The following ERC2 variants were observed in gnomAD, a reference collection of about 807,000 sequenced individuals.
ERC2 encodes the protein ELKS/RAB6-interacting/CAST family member 2.
A neutral mutation model predicts 114.8 loss-of-function variants in ERC2; 42 were observed. The ratio of observed to expected loss-of-function variants is 0.37; its 90% CI spans 0.29 to 0.47. The LOEUF is 0.47. Among genes scored for constraint, ERC2 ranks in the 20% least tolerant of loss-of-function variants. The pLI, the probability that ERC2 is intolerant of heterozygous loss-of-function variation, is 0.99. For synonymous variants in ERC2, 454 were observed against 425.5 expected, an observed-to-expected ratio of 1.07 and a Z score of -0.82; for missense variants, 939 against 1,150.7, an observed-to-expected ratio of 0.82 and a Z score of 2.66.
chr3:55,952,224 C>T (rs916063458), intron 12 of ERC2, among the ~76,000 whole-genome samples: 6 of 134,502 alleles, frequency 4.5e-5, no homozygotes, highest in Non-Finnish European at 9.6e-5. Context: ...ATATTCTGAA[C>T]ACTTTGTCTT....
intron 3 of ERC2, among the ~76,000 whole-genome samples, chr3:56,183,990 T>A (rs2083441416): frequency 6.6e-6 from 1 of 151,986 alleles, no homozygotes; most frequent in Non-Finnish European, 1.5e-5. Flanking sequence ...ATAAATACAG[T>A]AGGAAGTTAT....
intron 3 of ERC2, among the ~76,000 whole-genome samples, chr3:56,210,756 C>T (rs17056646): frequency 0.08 from 12,217 of 152,158 alleles, 657 homozygotes; most frequent in Admixed American, 0.15. Context: ...CTTTAGTCAT[C>T]CCTGATATTC....
At chr3:56,157,572 T>C (rs1445121185) in intron 4 of ERC2, among the ~76,000 whole-genome samples, 1 of 152,176 alleles carries the variant, frequency 6.6e-6, no homozygotes, top group Middle Eastern at 3.2e-3. Context: ...TCTCTTCCAG[T>C]GTTCTTTAGG....
At chr3:55,840,661 A>C (rs1314536464) in intron 14 of ERC2, among the ~76,000 whole-genome samples, 1 of 152,108 alleles carries the variant, frequency 6.6e-6, no homozygotes, top group Non-Finnish European at 1.5e-5. Context: ...ACATTTGTGC[A>C]TAAAAAGGCT....
intron 6 of ERC2, among the ~76,000 whole-genome samples, chr3:56,095,645 C>T (rs879473477): frequency 1.3e-5 from 2 of 152,166 alleles, no homozygotes; most frequent in Non-Finnish European, 2.9e-5. Context: ...TTGTCAATTT[C>T]ACTTGTAAAC....
intron 14 of ERC2, among the ~76,000 whole-genome samples, chr3:55,749,771 C>G: frequency 6.6e-6 from 1 of 152,292 alleles, no homozygotes. Flanking sequence ...TCCCCTTCCA[C>G]GCTGTGGAAG....
At chr3:56,225,860 A>C (rs2050215908) in intron 3 of ERC2, among the ~76,000 whole-genome samples, 1 of 152,104 alleles carries the variant, frequency 6.6e-6, no homozygotes, top group Non-Finnish European at 1.5e-5. Context: ...CCCACCAATG[A>C]CCAGGCAGGC....
chr3:55,512,275 C>A (rs1174917433), intron 17 of ERC2, among the ~76,000 whole-genome samples: 1 of 152,206 alleles, frequency 6.6e-6, no homozygotes, highest in Non-Finnish European at 1.5e-5. Context: ...ATGAACTCTG[C>A]TAATTCATAC....
At chr3:55,760,470 G>T (rs1477879520) in intron 14 of ERC2, among the ~76,000 whole-genome samples, 2 of 152,152 alleles carry the variant, frequency 1.3e-5, no homozygotes, top group Non-Finnish European at 2.9e-5. Flanking sequence ...ACTTGAAATA[G>T]ACTAAGTAGT....
intron 7 of ERC2, among the ~76,000 whole-genome samples, chr3:56,031,586 T>A (rs1418671331): frequency 6.6e-6 from 1 of 152,130 alleles, no homozygotes; most frequent in Admixed American, 6.5e-5. Context: ...GCCACAAAGA[T>A]CAAGAATAAT....
intron 17 of ERC2, among the ~76,000 whole-genome samples, chr3:55,574,636 T>G (rs545623595): frequency 6.6e-6 from 1 of 152,134 alleles, no homozygotes; most frequent in Non-Finnish European, 1.5e-5. Context: ...ATGTGTGCAT[T>G]GAGGACAAGA....
At chr3:56,110,372 T>A (rs2078895927) in intron 6 of ERC2, among the ~76,000 whole-genome samples, 1 of 152,110 alleles carries the variant, frequency 6.6e-6, no homozygotes, top group African/African-American at 2.4e-5. Context: ...AAGTGAAAAA[T>A]TTTAGAAATA....
In ERC2 at chr3:55,537,612, C is replaced by T. The variant is rs1435595591; in HGVS notation, c.*40-26336G>A. On this transcript the variant is annotated intron_variant, in intron 17 of 17. Transcript: ENST00000288221. ...AAGCTCTCCCCGCTTACAAAGGCTG[C>T]ATACTCTGGGTCAACCTCTAGTTTA... Among the ~76,000 whole-genome samples, 4 of 152,308 alleles carry T rather than the reference C, an allele frequency of 2.6e-5. No homozygotes were observed. In the East Asian group the frequency reaches 7.7e-4, roughly 29 times the overall value.
intron 3 of ERC2, among the ~76,000 whole-genome samples, chr3:56,268,659 G>A (rs892143071): frequency 5.3e-5 from 8 of 152,082 alleles, no homozygotes; most frequent in Admixed American, 1.3e-4. Context: ...TTATATTATA[G>A]TAAGCCTAAC....
intron 4 of ERC2, among the ~76,000 whole-genome samples, chr3:56,154,217 T>A (rs532140435): frequency 6.6e-6 from 1 of 152,024 alleles, no homozygotes; most frequent in Non-Finnish European, 1.5e-5. Flanking sequence ...CAGAAAGAAG[T>A]TGACTTAGGC....
At chr3:56,053,036 C>T (rs372923780) in intron 7 of ERC2, among the ~76,000 whole-genome samples, 1 of 152,146 alleles carries the variant, frequency 6.6e-6, no homozygotes, top group African/African-American at 2.4e-5. Flanking sequence ...GCTGCTGAAA[C>T]AAGCAGGCAA....
intron 8 of ERC2, among the ~76,000 whole-genome samples, chr3:56,013,187 C>T (rs2073072683): frequency 6.6e-6 from 1 of 152,080 alleles, no homozygotes; most frequent in African/African-American, 2.4e-5. Flanking sequence ...TGAATAAGTT[C>T]CTGGAAAGTA....
At chr3:56,309,033 T>TAGGCTGTGTCATGTGTGTG (rs1367824430) in intron 2 of ERC2, among the ~76,000 whole-genome samples, 5 of 152,176 alleles carry the variant, frequency 3.3e-5, no homozygotes, top group African/African-American at 1.2e-4. Context: ...AAATCTTCCT[T>TAGGCTGTGTCATGTGTGTG]AGGCTGTGTC....
At chr3:55,995,588 C>T (rs1254300516) in intron 10 of ERC2, among the ~76,000 whole-genome samples, 2 of 152,150 alleles carry the variant, frequency 1.3e-5, no homozygotes, top group African/African-American at 4.8e-5. Flanking sequence ...TGGATCATTA[C>T]TAGGGTCCAT....
Sources: gnomAD v4.1 joint callset for allele counts (sites outside exome capture counted in the v4.1 genomes callset) on GRCh38, gnomAD v4.1.1 for gene constraint, MANE v1.5 for transcripts, NCBI Gene and HGNC (gene_info 2026-07-23, HGNC 2026-07-21) for gene names.